Variants in DGKB observed in about 807,000 individuals in gnomAD.
DGKB encodes diacylglycerol kinase beta.
A neutral mutation model predicts 114.3 loss-of-function variants in DGKB; 67 were observed. The observed-to-expected ratio is 0.59, with a 90% CI of 0.48 to 0.72. The LOEUF is 0.72. Among genes scored for constraint, DGKB ranks in the 30% least tolerant of loss-of-function variants. DGKB has a pLI of 0.00. For missense variants in DGKB, 907 were observed against 975.2 expected (o/e 0.93, Z 0.93); for synonymous variants, 398 against 323.1 (o/e 1.23, Z -2.49).
chr7:14,387,225 A>T (rs71538873), intron 21 of DGKB, among the ~76,000 whole-genome samples: 1 of 151,954 alleles, frequency 6.6e-6, no homozygotes, highest in East Asian at 1.9e-4. Flanking sequence ...AGATCGAGAC[A>T]AGCCTGGCCA....
intron 25 of DGKB, among the ~76,000 whole-genome samples, chr7:14,154,844 C>T (rs1782754018): frequency 7.3e-6 from 1 of 136,192 alleles, no homozygotes; most frequent in African/African-American, 2.5e-5. Context: ...TCTATACATT[C>T]TGCTTTTTTT....
At chr7:14,502,393 A>G (rs1328948770) in intron 20 of DGKB, among the ~76,000 whole-genome samples, 2 of 151,982 alleles carry the variant, frequency 1.3e-5, no homozygotes, top group African/African-American at 2.4e-5. Context: ...ATCAAAGAAA[A>G]AAACATCCAG....
chr7:14,939,767 C>T (rs919769781), intron 1 of DGKB, among the ~76,000 whole-genome samples: 9 of 151,564 alleles, frequency 5.9e-5, no homozygotes, highest in South Asian at 2.1e-4. Flanking sequence ...GTACCCACCA[C>T]GACGCCCAGC....
At chr7:14,429,332 C>T (rs775384333) in intron 21 of DGKB, among the ~76,000 whole-genome samples, 12 of 151,930 alleles carry the variant, frequency 7.9e-5, no homozygotes, top group Non-Finnish European at 1.6e-4. Flanking sequence ...TTTTTTTCTA[C>T]CTTGTGAGGA....
At chr7:14,350,687 A>C (rs1025738060) in intron 21 of DGKB, among the ~76,000 whole-genome samples, 2 of 151,384 alleles carry the variant, frequency 1.3e-5, no homozygotes, top group Non-Finnish European at 1.5e-5. Flanking sequence ...TTTATTATGT[A>C]GAAAACAGAA....
intron 1 of DGKB, among the ~76,000 whole-genome samples, chr7:14,855,727 C>A (rs936289992): frequency 4.6e-5 from 7 of 152,094 alleles, no homozygotes; most frequent in Admixed American, 3.3e-4. Flanking sequence ...TATTTAATTT[C>A]TTGTCCTCAT....
At chr7:14,332,437 A>G (rs1014349814) in intron 23 of DGKB, among the ~76,000 whole-genome samples, 3 of 152,234 alleles carry the variant, frequency 2.0e-5, no homozygotes, top group Admixed American at 1.3e-4. Context: ...ACATGGGGCT[A>G]TGCAAACACT....
chr7:14,472,189 G>C (rs1278136187), intron 21 of DGKB, among the ~76,000 whole-genome samples: 6 of 152,190 alleles, frequency 3.9e-5, no homozygotes, highest in African/African-American at 1.2e-4. Context: ...CGGTTTGGCT[G>C]TTTCCCCACC....
At chr7:14,551,465 T>C (rs527806115) in intron 20 of DGKB, among the ~76,000 whole-genome samples, 152 of 152,330 alleles carry the variant, frequency 1.0e-3, no homozygotes, top group African/African-American at 3.5e-3. Context: ...TTGTTTCTTC[T>C]CGCAGTGCTG....
chr7:14,595,301 T>C (rs1802382700), intron 17 of DGKB, among the ~76,000 whole-genome samples: 1 of 152,084 alleles, frequency 6.6e-6, no homozygotes, highest in Non-Finnish European at 1.5e-5. Flanking sequence ...GGTTCTTTAG[T>C]GAATGGTCTT....
intron 1 of DGKB, among the ~76,000 whole-genome samples, chr7:14,929,920 A>C (rs1331332409): frequency 1.3e-5 from 2 of 152,142 alleles, no homozygotes; most frequent in Admixed American, 6.5e-5. Context: ...ATAGGGGTTC[A>C]GTTTCATGCT....
At chr7:14,701,465 G>A (rs1443781446) in intron 7 of DGKB, among the ~76,000 whole-genome samples, 1 of 152,126 alleles carries the variant, frequency 6.6e-6, no homozygotes, top group Non-Finnish European at 1.5e-5. Context: ...AAAAAGTCAT[G>A]CTGTGGTATG....
chr7:14,816,013 ACCACAAAGT>A (rs1844092857), intron 2 of DGKB, among the ~76,000 whole-genome samples: 2 of 152,156 alleles, frequency 1.3e-5, no homozygotes, highest in Non-Finnish European at 2.9e-5. Context: ...GTAGAGAGTA[ACCACAAAGT>A]CCTATTCTTT....
intron 1 of DGKB, among the ~76,000 whole-genome samples, chr7:14,865,782 C>T (rs1312660597): frequency 2.0e-5 from 3 of 151,914 alleles, no homozygotes; most frequent in Admixed American, 6.6e-5. Context: ...TCCGAAAGCA[C>T]GTGCTGAGTA....
intron 21 of DGKB, among the ~76,000 whole-genome samples, chr7:14,437,009 T>C (rs1829383913): frequency 6.6e-6 from 1 of 152,110 alleles, no homozygotes. Context: ...TCCATTGGCA[T>C]TTGGCATTTT....
At chr7:14,376,263 A>G (rs1182180883) in intron 21 of DGKB, among the ~76,000 whole-genome samples, 1 of 152,184 alleles carries the variant, frequency 6.6e-6, no homozygotes, top group African/African-American at 2.4e-5. Flanking sequence ...AGAATTTTTC[A>G]TGGTTCACCA....
intron 1 of DGKB, among the ~76,000 whole-genome samples, chr7:14,846,539 C>G (rs180756109): frequency 3.3e-5 from 5 of 152,192 alleles, no homozygotes; most frequent in African/African-American, 1.2e-4. Flanking sequence ...TTATAGTCCC[C>G]GCCTCTTCAT....
At chr7:14,312,542 G>C (rs1275380831) in intron 23 of DGKB, among the ~76,000 whole-genome samples, 1 of 152,132 alleles carries the variant, frequency 6.6e-6, no homozygotes, top group Admixed American at 6.5e-5. Flanking sequence ...ATTTACTCTT[G>C]AGTACAATTT....
At chr7:14,647,733 C>T (rs995046650) in intron 13 of DGKB, among the ~76,000 whole-genome samples, 19 of 152,148 alleles carry the variant, frequency 1.2e-4, no homozygotes, top group Middle Eastern at 3.2e-3. Context: ...TCTGAGGTAC[C>T]GGGTTCATCT....
Sources: allele counts gnomAD v4.1 joint callset (sites outside exome capture counted in the v4.1 genomes callset), GRCh38; gene constraint gnomAD v4.1.1; transcripts MANE v1.5; gene names NCBI Gene and HGNC (gene_info 2026-07-23, HGNC 2026-07-21).